The following DSCAM variants were observed in gnomAD, a reference collection of about 807,000 sequenced individuals.
DSCAM encodes the protein cell adhesion molecule DSCAM.
In DSCAM, 47 loss-of-function variants were observed where a neutral mutation model predicts 217.7. The ratio of observed to expected loss-of-function variants is 0.22; its 90% CI spans 0.17 to 0.28. The LOEUF is 0.28. Among genes scored for constraint, DSCAM ranks in the 10% least tolerant of loss-of-function variants. The pLI is 1.00. For synonymous variants in DSCAM, 1,056 were observed against 1,015.3 expected, an observed-to-expected ratio of 1.04 and a Z score of -0.76; for missense variants, 2,080 against 2,618.3, an observed-to-expected ratio of 0.79 and a Z score of 4.49.
At chr21:40,364,005 G>A (rs1284427292) in intron 4 of DSCAM, among the ~76,000 whole-genome samples, 2 of 152,152 alleles carry the variant, frequency 1.3e-5, no homozygotes, top group Non-Finnish European at 2.9e-5. Context: ...TTAGAATGGT[G>A]ATCATTAAAA....
chr21:40,400,450 G>A (rs2075223118), intron 3 of DSCAM, among the ~76,000 whole-genome samples: 1 of 152,170 alleles, frequency 6.6e-6, no homozygotes, highest in African/African-American at 2.4e-5. Flanking sequence ...GGAAAATAAA[G>A]GAGTGTTTTA....
intron 3 of DSCAM, among the ~76,000 whole-genome samples, chr21:40,590,129 C>A (rs1010248798): frequency 1.8e-4 from 27 of 152,278 alleles, no homozygotes; most frequent in African/African-American, 6.5e-4. Context: ...AAGAAATAGA[C>A]CCAAAGTGCA....
At chr21:40,453,517 T>C (rs565550574) in intron 3 of DSCAM, among the ~76,000 whole-genome samples, 17 of 152,172 alleles carry the variant, frequency 1.1e-4, no homozygotes, top group African/African-American at 2.4e-4. Context: ...AAAGCTTCAA[T>C]TACCCTCAAC....
At chr21:40,763,949 A>G (rs933534915) in intron 1 of DSCAM, among the ~76,000 whole-genome samples, 2 of 152,210 alleles carry the variant, frequency 1.3e-5, no homozygotes, top group African/African-American at 4.8e-5. Context: ...TTAACTCAAG[A>G]TGGATTAAAG....
intron 3 of DSCAM, among the ~76,000 whole-genome samples, chr21:40,506,234 AGTAATG>A (rs1188404438): frequency 6.6e-6 from 1 of 152,256 alleles, no homozygotes; most frequent in Non-Finnish European, 1.5e-5. Context: ...ACGAGGGGAC[AGTAATG>A]ACACTCATCC....
intron 11 of DSCAM, among the ~76,000 whole-genome samples, chr21:40,267,475 T>G (rs146661570): frequency 5.3e-5 from 8 of 152,326 alleles, no homozygotes; most frequent in African/African-American, 1.9e-4. Context: ...AATGTTAGGA[T>G]GTTGTCCATT....
intron 32 of DSCAM, among the ~76,000 whole-genome samples, chr21:40,027,395 C>T (rs1454066954): frequency 6.6e-6 from 1 of 151,984 alleles, no homozygotes; most frequent in African/African-American, 2.4e-5. Context: ...GTGGCATTCT[C>T]TGTATTTCCT....
At chr21:40,064,470 C>T (rs908327430) in intron 27 of DSCAM, among the ~76,000 whole-genome samples, 4 of 152,296 alleles carry the variant, frequency 2.6e-5, no homozygotes, top group East Asian at 3.9e-4. Flanking sequence ...ATTGCGGAGT[C>T]CAGCAGGGAG....
chr21:40,134,166 T>C (rs1049807285), intron 18 of DSCAM, among the ~76,000 whole-genome samples, 157 bp from the exon 19 acceptor site: 3 of 152,238 alleles, frequency 2.0e-5, no homozygotes, highest in Non-Finnish European at 4.4e-5. Context: ...ACAGTCATCC[T>C]GTGAGCTCAT....
intron 27 of DSCAM, among the ~76,000 whole-genome samples, chr21:40,070,243 A>C (rs1206959483): frequency 2.2e-5 from 3 of 134,628 alleles, no homozygotes; most frequent in Non-Finnish European, 4.8e-5. Context: ...GAAGGAAGGA[A>C]GGTAGGGAAG....
intron 3 of DSCAM, among the ~76,000 whole-genome samples, chr21:40,370,423 A>G (rs2074883783): frequency 6.6e-6 from 1 of 152,176 alleles, no homozygotes; most frequent in South Asian, 2.1e-4. Context: ...TAAAATGCCA[A>G]ATAATCAACT....
At chr21:40,835,864 A>G (rs535679336) in intron 1 of DSCAM, among the ~76,000 whole-genome samples, 1 of 152,336 alleles carries the variant, frequency 6.6e-6, no homozygotes, top group South Asian at 2.1e-4. Context: ...AAATGCACAT[A>G]TGCCCTTATA....
intron 3 of DSCAM, among the ~76,000 whole-genome samples, chr21:40,614,506 G>C (rs2089361823): frequency 6.6e-6 from 1 of 152,114 alleles, no homozygotes; most frequent in Non-Finnish European, 1.5e-5. Flanking sequence ...TGTGAAATTT[G>C]GAACAACTTT....
intron 3 of DSCAM, among the ~76,000 whole-genome samples, chr21:40,421,152 T>A (rs1171032997): frequency 6.6e-6 from 1 of 152,194 alleles, no homozygotes; most frequent in East Asian, 1.9e-4. Context: ...AATTGATGTG[T>A]GTTCAAGACT....
At chr21:40,513,880 C>T (rs902671352) in intron 3 of DSCAM, among the ~76,000 whole-genome samples, 5 of 151,890 alleles carry the variant, frequency 3.3e-5, no homozygotes, top group African/African-American at 9.7e-5. Context: ...ACAACAAAAA[C>T]AAGTGAAGTC....
intron 9 of DSCAM, among the ~76,000 whole-genome samples, chr21:40,301,570 T>C (rs1024291843): frequency 9.0e-6 from 1 of 111,642 alleles, no homozygotes; most frequent in Non-Finnish European, 1.6e-5. Flanking sequence ...ATTAAGTGCT[T>C]CTCTGAGGCC....
chr21:40,766,669 C>CAAAAAAAA (rs34935219), intron 1 of DSCAM, among the ~76,000 whole-genome samples: 66 of 66,626 alleles, frequency 9.9e-4, no homozygotes, highest in African/African-American at 3.9e-3. Flanking sequence ...ACAACAATTC[C>CAAAAAAAA]AAAAAAAAAA....
intron 3 of DSCAM, among the ~76,000 whole-genome samples, chr21:40,621,099 G>T (rs921856810): frequency 6.6e-6 from 1 of 152,178 alleles, no homozygotes; most frequent in Non-Finnish European, 1.5e-5. Context: ...TGACAAAAAA[G>T]GGGCACCAGG....
chr21:40,802,703 A>C (rs1555890244), intron 1 of DSCAM, among the ~76,000 whole-genome samples: 1 of 152,108 alleles, frequency 6.6e-6, no homozygotes, highest in Non-Finnish European at 1.5e-5. Context: ...TCAGCAGCAC[A>C]CTCAGCCCTT....
Sources: gnomAD v4.1 joint callset for allele counts (sites outside exome capture counted in the v4.1 genomes callset) on GRCh38, gnomAD v4.1.1 for gene constraint, MANE v1.5 for transcripts, NCBI Gene and HGNC (gene_info 2026-07-23, HGNC 2026-07-21) for gene names.